NLRC4: variants seen among roughly 807,000 people sequenced by gnomAD.
NLRC4 encodes NLR family CARD domain containing 4.
NLRC4 carries 63 observed loss-of-function variants against 79.9 expected under a neutral mutation model. The ratio of observed to expected loss-of-function variants is 0.79; its 90% CI spans 0.64 to 0.97. NLRC4 has a LOEUF of 0.97. NLRC4 is among the 50% of genes least tolerant of loss of function. The pLI is 0.00. For missense variants in NLRC4, 1,074 were observed against 1,215.2 expected (o/e 0.88, Z 1.73); for synonymous variants, 461 against 456.5 (o/e 1.01, Z -0.12).
In NLRC4 at chr2:32,247,648, A is replaced by G. The variant is rs374408642; in HGVS notation, c.2257+1959T>C. ...AAATAGTTTTAATATATTTAAACAC[A>G]TACATATATGTATCTATGTATGTAT... On this transcript the variant is annotated intron_variant, in intron 4 of 8. Transcript: ENST00000402280. 2.2e-4 allele frequency among the ~76,000 whole-genome samples: 34 copies of G among 152,136 alleles called. No individual in the cohort carries two copies. In the South Asian group the frequency reaches 7.1e-3, roughly 32 times the overall value.
In NLRC4 at chr2:32,250,503, C is replaced by T. The variant is rs1213421863; in HGVS notation, c.1361G>A (p.Arg454Lys). 1 of 1,614,226 alleles carries T rather than the reference C, an allele frequency of 6.2e-7. No homozygotes were observed. The highest frequency in any genetic ancestry group is 8.5e-7 in the Non-Finnish European group (1 of 1,180,036). Residue 454 changes from arginine (R) to lysine (K), a missense_variant, in exon 4 of 9, where the codon AGA becomes AAA. By Grantham distance (26) the Arg-to-Lys change is conservative (BLOSUM62 2). Coordinates refer to ENST00000402280, the MANE Select transcript of NLRC4 (RefSeq NM_001199138.2). The surrounding 1 kb of genome is among the most constrained non-coding windows in gnomAD (Gnocchi z 4.9). ...KSFQEYTAGRRLSSLLTSHEP... is the reference protein window; with the variant it reads ...KSFQEYTAGRKLSSLLTSHEP... ...ATGAGACGTCAATAAACTGCTGAGT[C>T]TTCGTCCTGCTGTGTACTCCTGGAA...
At chr2:32,238,100 G>C in intron 6 of NLRC4, 32 bp downstream of exon 6, 1 of 1,556,406 alleles carries the variant, frequency 6.4e-7, no homozygotes, top group Non-Finnish European at 8.8e-7. Context: ...CTGTTATACT[G>C]TCCTCATTCA....
chr2:32,259,413 C>T (rs1687286928), intron 1 of NLRC4, among the ~76,000 whole-genome samples: 1 of 151,302 alleles, frequency 6.6e-6, no homozygotes, highest in East Asian at 1.9e-4. Context: ...TGGCCATTAC[C>T]CTAACATTTT....
intron 2 of NLRC4, among the ~76,000 whole-genome samples, chr2:32,256,422 A>G (rs181867502): frequency 6.6e-6 from 1 of 152,196 alleles, no homozygotes; most frequent in East Asian, 1.9e-4. Context: ...ACACCCAGCC[A>G]TTTAAAGTGG....
intron 8 of NLRC4, among the ~76,000 whole-genome samples, chr2:32,227,163 T>C (rs1409178789): frequency 8.5e-6 from 1 of 118,198 alleles, no homozygotes; most frequent in Non-Finnish European, 1.8e-5. Flanking sequence ...TCTTAAGGAA[T>C]AGAGGAGTAA....
rs182796865 is a variant in NLRC4 at position 32,236,757 on chromosome 2, A to G, written c.2522-418T>C. The stretch of plus-strand genomic sequence containing the variant: ...TCATGCAGGAGAAACAGGAACAACA[A>G]CAACAACAAAAATGAAATGAGCTGG... On this transcript the variant is annotated intron_variant, in intron 6 of 8. Transcript: ENST00000402280. Among the ~76,000 whole-genome samples, 3 of 152,368 alleles carry G rather than the reference A, an allele frequency of 2.0e-5. No homozygotes were observed. In the East Asian group the frequency reaches 5.8e-4, roughly 29 times the overall value.
chr2:32,264,367 G>T (rs975180831), intron 1 of NLRC4, among the ~76,000 whole-genome samples: 2 of 149,658 alleles, frequency 1.3e-5, no homozygotes, highest in Non-Finnish European at 3.0e-5. Context: ...CCAGGAGGCA[G>T]AGGTTGCAGT....
intron 2 of NLRC4, among the ~76,000 whole-genome samples, chr2:32,254,032 T>C (rs907227859): frequency 6.8e-6 from 1 of 147,456 alleles, no homozygotes; most frequent in African/African-American, 2.5e-5. Context: ...CCTCTGGGAG[T>C]AAAGGCCCTA....
chr2:32,255,887 G>A (rs1043333058), intron 2 of NLRC4, among the ~76,000 whole-genome samples: 1 of 151,862 alleles, frequency 6.6e-6, no homozygotes, highest in African/African-American at 2.4e-5. Context: ...GGTGGCACGC[G>A]CCTGTGGTCC....
In NLRC4 at chr2:32,241,204, G is replaced by A. The variant is rs542046589; in HGVS notation, c.2258-79C>T. The A allele has an allele frequency of 1.3e-4, 107 of 855,258 alleles. No homozygotes were observed. In the African/African-American group the frequency reaches 1.7e-3, roughly 14 times the overall value. The allele number at this position is 855,258 out of a possible 1,614,324, so 53.0% of individuals were successfully genotyped here. ...GTCATTTACTATTACTGTCATTTTT[G>A]TTACCAATCAAAAGATTTTAATGAT... On this transcript the variant is annotated intron_variant, in intron 4 of 8. Coordinates refer to ENST00000402280, the MANE Select transcript of NLRC4 (RefSeq NM_001199138.2).
At chr2:32,238,502 A>C (rs1686722803) in intron 5 of NLRC4, among the ~76,000 whole-genome samples, 200 bp from the exon 6 acceptor site, 1 of 152,162 alleles carries the variant, frequency 6.6e-6, no homozygotes, top group African/African-American at 2.4e-5. Flanking sequence ...ACCACACAAA[A>C]AATCACTTAT....
intron 1 of NLRC4, among the ~76,000 whole-genome samples, chr2:32,258,439 G>A (rs1687260940): frequency 6.6e-6 from 1 of 152,224 alleles, no homozygotes; most frequent in African/African-American, 2.4e-5. Context: ...AGGAGTGCCT[G>A]TCCTCACCTA....
intron 4 of NLRC4, among the ~76,000 whole-genome samples, chr2:32,242,399 T>C (rs907131211): frequency 5.9e-5 from 9 of 152,334 alleles, no homozygotes; most frequent in African/African-American, 2.2e-4. Context: ...GCACATAAAT[T>C]TGACAACATA....
intron 8 of NLRC4, among the ~76,000 whole-genome samples, chr2:32,225,672 C>T (rs962955434): frequency 6.6e-6 from 1 of 152,202 alleles, no homozygotes; most frequent in Non-Finnish European, 1.5e-5. Context: ...CTACCTGGCC[C>T]TTTCTGGATG....
chr2:32,227,054 G>A (rs1422403847), intron 8 of NLRC4, among the ~76,000 whole-genome samples: 1 of 152,056 alleles, frequency 6.6e-6, no homozygotes, highest in Non-Finnish European at 1.5e-5. Flanking sequence ...AGTGATGTGT[G>A]CAACTTCCAT....
chr2:32,255,381 G>T (rs1057032170), intron 2 of NLRC4, among the ~76,000 whole-genome samples: 1 of 152,058 alleles, frequency 6.6e-6, no homozygotes, highest in Non-Finnish European at 1.5e-5. Context: ...TTAGCCAGTC[G>T]TGGTGGCACA....
At position 32,250,577 on chromosome 2, in the gene NLRC4, T is replaced by C; in HGVS notation, c.1287A>G (p.Lys429=). 6.2e-7 allele frequency: 1 copy of C among 1,614,198 alleles called. No homozygotes were observed. Among genetic ancestry groups the C allele is most frequent in the Non-Finnish European group, 8.5e-7 (1 of 1,180,038 alleles). Residue 429 remains lysine, a synonymous_variant, in exon 4 of 9, where the codon AAA becomes AAG. Transcript: ENST00000402280. The surrounding 1 kb of genome is among the most constrained non-coding windows in gnomAD (Gnocchi z 4.9). ...TTGGCTTGAACCTTTGAGCTGTATA[T>C]TTACAGAGGAGCCCAGTTGTCAGCA... is the stretch of plus-strand genomic sequence containing the variant. ...DVLLTTGLLC[K]YTAQRFKPKY...
chr2:32,226,390 C>T (rs1404240925), intron 8 of NLRC4, among the ~76,000 whole-genome samples: 6 of 152,144 alleles, frequency 3.9e-5, no homozygotes, highest in Non-Finnish European at 8.8e-5. Context: ...TCTTGAGTTT[C>T]GAAAGGTCTT....
intron 8 of NLRC4, among the ~76,000 whole-genome samples, chr2:32,234,581 G>A (rs1175345298): frequency 6.6e-6 from 1 of 152,180 alleles, no homozygotes; most frequent in Non-Finnish European, 1.5e-5. Context: ...CGCTGGATTG[G>A]AATAACTTGT....
Sources: gnomAD v4.1 joint callset for allele counts (sites outside exome capture counted in the v4.1 genomes callset) on GRCh38, gnomAD v4.1.1 for gene constraint, Gnocchi (gnomAD v3.1) non-coding constraint, MANE v1.5 for transcripts, NCBI Gene and HGNC (gene_info 2026-07-23, HGNC 2026-07-21) for gene names.